The following XKR9 variants were observed in gnomAD, a reference collection of about 807,000 sequenced individuals.
XKR9 encodes the protein XK-related protein 9.
Under a neutral mutation model 32.0 loss-of-function variants are expected in XKR9, and 32 were observed. The ratio of observed to expected loss-of-function variants is 1.00; its 90% confidence interval spans 0.76 to 1.34. The LOEUF (loss-of-function observed/expected upper bound fraction) is 1.34, where lower values mean the gene tolerates loss of function less well. Ranked by LOEUF, XKR9 falls within the 40% of genes most tolerant of loss-of-function variation. XKR9 has a pLI of 0.00. For missense variants in XKR9, 546 were observed against 429.7 expected, an observed-to-expected ratio of 1.27 and a Z score of -2.39; for synonymous variants, 168 against 143.4, an observed-to-expected ratio of 1.17 and a Z score of -1.22.
the XKR9 span, among the ~76,000 whole-genome samples, chr8:71,019,631 G>A: frequency 6.6e-6 from 1 of 152,132 alleles, no homozygotes; most frequent in Non-Finnish European, 1.5e-5. Flanking sequence ...TAAGGTTGAG[G>A]TTGATTAACT....
At chr8:70,826,929 G>T in the XKR9 span, among the ~76,000 whole-genome samples, 3 of 152,016 alleles carry the variant, frequency 2.0e-5, no homozygotes, top group Non-Finnish European at 4.4e-5. Flanking sequence ...TTTAAAAAAG[G>T]TTAACAAGTG....
chr8:70,747,142 C>G (rs1311770372), intron 2 of XKR9, among the ~76,000 whole-genome samples: 1 of 152,104 alleles, frequency 6.6e-6, no homozygotes, highest in Non-Finnish European at 1.5e-5. Context: ...ACCACATTTT[C>G]TTTATTCAGT....
intron 2 of XKR9, among the ~76,000 whole-genome samples, chr8:70,754,943 C>T (rs181208082): frequency 0.072 from 10,969 of 151,980 alleles, 464 homozygotes; most frequent in Non-Finnish European, 0.088. Flanking sequence ...AGCTTCTGCA[C>T]AGCAAAAGAA....
chr8:71,035,978 C>T, the XKR9 span, among the ~76,000 whole-genome samples: 3 of 152,102 alleles, frequency 2.0e-5, no homozygotes, highest in Non-Finnish European at 4.4e-5. Context: ...CCCTCCCTCC[C>T]GGGGTATTAC....
chr8:70,778,652 G>T (rs1161070427), intron 2 of XKR9, among the ~76,000 whole-genome samples: 1 of 152,134 alleles, frequency 6.6e-6, no homozygotes, highest in Non-Finnish European at 1.5e-5. Context: ...TCTCCTTGAA[G>T]AGGTCCTTCA....
At chr8:70,827,923 A>C in the XKR9 span, among the ~76,000 whole-genome samples, 2 of 152,222 alleles carry the variant, frequency 1.3e-5, no homozygotes, top group African/African-American at 4.8e-5. Flanking sequence ...TTAAAATTTT[A>C]AATTAGGTGA....
the XKR9 span, among the ~76,000 whole-genome samples, chr8:71,055,819 T>G: frequency 1.3e-5 from 2 of 152,328 alleles, no homozygotes; most frequent in African/African-American, 4.8e-5. Flanking sequence ...GCTAAATATT[T>G]CTAAAAGTAA....
the XKR9 span, among the ~76,000 whole-genome samples, chr8:71,026,611 C>T: frequency 1.3e-5 from 2 of 152,152 alleles, no homozygotes; most frequent in Non-Finnish European, 2.9e-5. Context: ...AGTTATTTGC[C>T]TGTACACAGC....
the XKR9 span, among the ~76,000 whole-genome samples, chr8:70,930,649 A>G: frequency 6.6e-6 from 1 of 152,216 alleles, no homozygotes; most frequent in Non-Finnish European, 1.5e-5. Flanking sequence ...AGTTTGGGAT[A>G]CCACATGTTG....
chr8:70,884,615 T>C, the XKR9 span, among the ~76,000 whole-genome samples: 3 of 152,310 alleles, frequency 2.0e-5, no homozygotes, highest in East Asian at 5.8e-4. Flanking sequence ...GATGTCCAGT[T>C]GTTCTAGAAC....
chr8:70,826,117 GT>G, the XKR9 span, among the ~76,000 whole-genome samples: 1 of 152,058 alleles, frequency 6.6e-6, no homozygotes, highest in African/African-American at 2.4e-5. Context: ...TTGGGTCTTT[GT>G]TTTCCAAGGG....
chr8:70,780,519 A>T (rs1032193286), intron 2 of XKR9, among the ~76,000 whole-genome samples: 5 of 152,090 alleles, frequency 3.3e-5, no homozygotes, highest in African/African-American at 1.2e-4. Context: ...CAGTCTTCAC[A>T]TATTTTGGAA....
the XKR9 span, among the ~76,000 whole-genome samples, chr8:70,865,439 C>T: frequency 2.7e-5 from 4 of 150,734 alleles, no homozygotes; most frequent in East Asian, 1.9e-4. Context: ...CTTATAGTTC[C>T]GGTGTAAGGT....
chr8:70,981,038 T>A, the XKR9 span, among the ~76,000 whole-genome samples: 1 of 152,210 alleles, frequency 6.6e-6, no homozygotes, highest in Non-Finnish European at 1.5e-5. Flanking sequence ...CCTTTATAGG[T>A]TACCTGATGC....
the XKR9 span, among the ~76,000 whole-genome samples, chr8:71,017,106 G>A: frequency 2.3e-4 from 35 of 152,142 alleles, no homozygotes; most frequent in Non-Finnish European, 4.6e-4. Context: ...AATGTAATAT[G>A]TGCAGCCTTA....
chr8:71,033,082 C>CAAA, the XKR9 span, among the ~76,000 whole-genome samples: 130 of 115,352 alleles, frequency 1.1e-3, no homozygotes, highest in African/African-American at 3.7e-3. Context: ...GATTACATCT[C>CAAA]AAAAAAAAAA....
the XKR9 span, among the ~76,000 whole-genome samples, chr8:71,036,456 A>G: frequency 3.2e-3 from 482 of 152,308 alleles, 2 homozygotes; most frequent in African/African-American, 0.011. Flanking sequence ...TGTTAGAAAA[A>G]AAACCTTCTT....
intron 4 of XKR9, among the ~76,000 whole-genome samples, chr8:70,716,739 C>T (rs1806106652): frequency 6.6e-6 from 1 of 152,130 alleles, no homozygotes; most frequent in African/African-American, 2.4e-5. Flanking sequence ...CTCATGTCCT[C>T]ACATTTCAAA....
intron 3 of XKR9, among the ~76,000 whole-genome samples, chr8:70,686,766 A>C (rs1260301016): frequency 5.3e-5 from 8 of 151,186 alleles, no homozygotes; most frequent in Admixed American, 5.3e-4. Context: ...TTTTACCTTT[A>C]CTCCTTTAGG....
Sources: gnomAD v4.1 joint callset for allele counts (sites outside exome capture counted in the v4.1 genomes callset) on GRCh38, gnomAD v4.1.1 for gene constraint, MANE v1.5 for transcripts, NCBI Gene and HGNC (gene_info 2026-07-23, HGNC 2026-07-21) for gene names.